GPC6: variants seen among roughly 807,000 people sequenced by gnomAD.
GPC6 encodes glypican 6.
A neutral mutation model predicts 55.2 loss-of-function variants in GPC6; 14 were observed. The observed-to-expected ratio is 0.25, with a 90% confidence interval of 0.17 to 0.40. The LOEUF is 0.40. Ranked by LOEUF, GPC6 falls within the 10% of genes least tolerant of loss-of-function variation. GPC6 has a pLI of 1.00. For synonymous variants in GPC6, 278 were observed against 259.6 expected (o/e 1.07, Z -0.68); for missense variants, 641 against 708.5 (o/e 0.90, Z 1.08).
At chr13:93,770,099 A>C (rs1262410988) in intron 2 of GPC6, among the ~76,000 whole-genome samples, 2 of 152,172 alleles carry the variant, frequency 1.3e-5, no homozygotes, top group African/African-American at 4.8e-5. Flanking sequence ...AAAATAGTGC[A>C]TGCATCTGTC....
At chr13:93,817,883 T>C (rs1886911373) in intron 2 of GPC6, among the ~76,000 whole-genome samples, 1 of 149,624 alleles carries the variant, frequency 6.7e-6, no homozygotes, top group Admixed American at 6.7e-5. Flanking sequence ...GATAGATAGA[T>C]AGATAGATAG....
chr13:93,671,410 C>A (rs753964146), intron 2 of GPC6, among the ~76,000 whole-genome samples: 1 of 152,068 alleles, frequency 6.6e-6, no homozygotes, highest in Non-Finnish European at 1.5e-5. Context: ...ACTTCATATA[C>A]CAATGCTCCA....
chr13:94,303,964 G>T (rs1875805714), intron 5 of GPC6, among the ~76,000 whole-genome samples: 1 of 152,128 alleles, frequency 6.6e-6, no homozygotes, highest in African/African-American at 2.4e-5. Flanking sequence ...ATCTCAGCAA[G>T]GCCGTTAGTA....
chr13:93,841,962 A>G (rs1887969621), intron 3 of GPC6, among the ~76,000 whole-genome samples: 1 of 151,108 alleles, frequency 6.6e-6, no homozygotes, highest in South Asian at 2.1e-4. Flanking sequence ...TATGCATACT[A>G]TTTTTATAGT....
chr13:93,521,051 T>C (rs1226210986), intron 1 of GPC6, among the ~76,000 whole-genome samples: 1 of 151,976 alleles, frequency 6.6e-6, no homozygotes, highest in African/African-American at 2.4e-5. Flanking sequence ...TGTACACGTA[T>C]ATGTTAGATT....
chr13:94,163,987 C>T (rs1011087063), intron 4 of GPC6, among the ~76,000 whole-genome samples: 1 of 152,092 alleles, frequency 6.6e-6, no homozygotes, highest in Non-Finnish European at 1.5e-5. Context: ...GAAGCAATTA[C>T]AGTACTTAAA....
chr13:94,253,432 C>CT (rs562800419), intron 4 of GPC6, among the ~76,000 whole-genome samples: 189 of 151,970 alleles, frequency 1.2e-3, no homozygotes, highest in African/African-American at 4.3e-3. Context: ...AACGGTTCTT[C>CT]TTTTTTTTAT....
intron 2 of GPC6, among the ~76,000 whole-genome samples, chr13:93,794,913 A>G (rs1389638018): frequency 6.6e-6 from 1 of 152,242 alleles, no homozygotes; most frequent in Non-Finnish European, 1.5e-5. Context: ...AGCGTGCTTT[A>G]TAAACTATAT....
At chr13:93,890,076 C>T (rs1259118189) in intron 3 of GPC6, among the ~76,000 whole-genome samples, 2 of 152,060 alleles carry the variant, frequency 1.3e-5, no homozygotes, top group Non-Finnish European at 2.9e-5. Context: ...CACTTCAGTG[C>T]CCAAAGTGTT....
intron 1 of GPC6, among the ~76,000 whole-genome samples, chr13:93,273,606 C>A (rs1008851993): frequency 1.3e-5 from 2 of 151,850 alleles, no homozygotes; most frequent in African/African-American, 2.4e-5. Context: ...TGCAGTGAAC[C>A]GAGATTGCGC....
intron 4 of GPC6, among the ~76,000 whole-genome samples, chr13:94,117,939 A>G (rs909291965): frequency 1.4e-4 from 21 of 152,128 alleles, no homozygotes; most frequent in Non-Finnish European, 2.8e-4. Flanking sequence ...GGAAACATTG[A>G]AAACTTTTTG....
chr13:94,200,073 T>C (rs1889703192), intron 4 of GPC6, among the ~76,000 whole-genome samples: 1 of 151,760 alleles, frequency 6.6e-6, no homozygotes, highest in Non-Finnish European at 1.5e-5. Context: ...GGAGAATCAC[T>C]TGAACCCTGG....
chr13:93,849,912 T>G (rs1468954824), intron 3 of GPC6, among the ~76,000 whole-genome samples: 1 of 151,270 alleles, frequency 6.6e-6, no homozygotes, highest in East Asian at 2.0e-4. Flanking sequence ...AGGAAAGAAA[T>G]AAAGGGAGAA....
chr13:94,329,155 A>C (rs527345704), intron 6 of GPC6, among the ~76,000 whole-genome samples: 1 of 152,338 alleles, frequency 6.6e-6, no homozygotes, highest in South Asian at 2.1e-4. Context: ...TCTTGCCCAA[A>C]ATGGAGCCAG....
chr13:94,117,797 T>G (rs1886483391), intron 4 of GPC6, among the ~76,000 whole-genome samples: 1 of 152,054 alleles, frequency 6.6e-6, no homozygotes, highest in Admixed American at 6.6e-5. Context: ...AATTACTCAT[T>G]GGGGCAAATG....
At chr13:94,241,032 G>A (rs539973003) in intron 4 of GPC6, among the ~76,000 whole-genome samples, 69 of 152,304 alleles carry the variant, frequency 4.5e-4, no homozygotes, top group Middle Eastern at 3.4e-3. Context: ...CCATGGGATG[G>A]TATTAGAAGG....
intron 1 of GPC6, among the ~76,000 whole-genome samples, chr13:93,476,790 A>T (rs1879318349): frequency 6.6e-6 from 1 of 152,158 alleles, no homozygotes; most frequent in Non-Finnish European, 1.5e-5. Flanking sequence ...TTTTGTTCAC[A>T]CTATTTTATA....
At chr13:93,477,404 A>G (rs1190027691) in intron 1 of GPC6, among the ~76,000 whole-genome samples, 1 of 152,154 alleles carries the variant, frequency 6.6e-6, no homozygotes, top group Non-Finnish European at 1.5e-5. Flanking sequence ...TTCACATGCT[A>G]GAGGCATTGC....
intron 1 of GPC6, among the ~76,000 whole-genome samples, chr13:93,308,385 C>G (rs1388872298): frequency 6.6e-6 from 1 of 152,180 alleles, no homozygotes; most frequent in East Asian, 1.9e-4. Context: ...CATAGCAAGT[C>G]CTCTGACACT....
Sources: gnomAD v4.1 joint callset for allele counts (sites outside exome capture counted in the v4.1 genomes callset) on GRCh38, gnomAD v4.1.1 for gene constraint, MANE v1.5 for transcripts, NCBI Gene and HGNC (gene_info 2026-07-23, HGNC 2026-07-21) for gene names.